The following PLEKHA7 variants were observed in gnomAD, a reference collection of about 807,000 sequenced individuals.
PLEKHA7 encodes pleckstrin homology domain-containing family A member 7.
PLEKHA7 carries 104 observed loss-of-function variants against 170.0 expected under a neutral mutation model. The ratio of observed to expected loss-of-function variants is 0.61; its 90% CI spans 0.52 to 0.72. The LOEUF is 0.72. Among genes scored for constraint, PLEKHA7 ranks in the 30% least tolerant of loss-of-function variants. PLEKHA7 has a pLI of 0.00. For missense variants in PLEKHA7, 1,615 were observed against 1,671.7 expected, an observed-to-expected ratio of 0.97 and a Z score of 0.59; for synonymous variants, 648 against 660.8, an observed-to-expected ratio of 0.98 and a Z score of 0.30.
At chr11:17,003,330 A>G (rs2137059373) in intron 3 of PLEKHA7, among the ~76,000 whole-genome samples, 1 of 152,264 alleles carries the variant, frequency 6.6e-6, no homozygotes, top group African/African-American at 2.4e-5. Context: ...CCAATTTCTG[A>G]GTTGAGTTCT....
intron 19 of PLEKHA7, 48 bp downstream of exon 19, chr11:16,794,440 G>C: frequency 2.6e-6 from 4 of 1,546,182 alleles, no homozygotes; most frequent in Non-Finnish European, 3.6e-6. Flanking sequence ...GGTAATCTGA[G>C]GACAGAGAGG....
intron 3 of PLEKHA7, among the ~76,000 whole-genome samples, chr11:16,889,684 T>C (rs899627301): frequency 6.6e-6 from 1 of 152,042 alleles, no homozygotes; most frequent in Non-Finnish European, 1.5e-5. Flanking sequence ...CTACAAGTTA[T>C]AGGTTGATTC....
chr11:16,881,664 T>A (rs1245719031), intron 3 of PLEKHA7: 4 of 152,208 alleles, frequency 2.6e-5, no homozygotes, highest in Non-Finnish European at 4.4e-5. Flanking sequence ...AACCAGGACA[T>A]AAAGAAACAC....
intron 26 of PLEKHA7, among the ~76,000 whole-genome samples, chr11:16,780,197 C>G (rs1848920932): frequency 6.6e-6 from 1 of 152,202 alleles, no homozygotes; most frequent in Non-Finnish European, 1.5e-5. Flanking sequence ...AACCGCTGGG[C>G]TCAAAAGCAA....
At chr11:16,793,688 G>A (rs543939588) in intron 19 of PLEKHA7, among the ~76,000 whole-genome samples, 3 of 152,346 alleles carry the variant, frequency 2.0e-5, no homozygotes, top group East Asian at 1.9e-4. Context: ...CCCTGGAGGC[G>A]TGAGCTCTCT....
rs115827748 is a variant in PLEKHA7, at chr11:16,973,487, G to T, written c.221+40502C>A. On this transcript the variant is annotated intron_variant, in intron 3 of 26. Transcript: ENST00000531066. ...GAGGTGAAAAGAGAAGTTTCTCTTG[G>T]TGCCCCTTTTAAAAGCCATGCACTG... Among the ~76,000 whole-genome samples the T allele has an allele frequency of 4.7e-3, 717 of 152,328 alleles. 6 individuals carry two copies. Among genetic ancestry groups the T allele is most frequent in the African/African-American group, 0.017 (694 of 41,570 alleles).
chr11:16,976,239 G>A (rs998143654), intron 3 of PLEKHA7, among the ~76,000 whole-genome samples: 7 of 152,244 alleles, frequency 4.6e-5, no homozygotes, highest in African/African-American at 1.7e-4. Context: ...AGTAAGCTAT[G>A]AACTTTGGGA....
chr11:16,826,559 G>A lies in PLEKHA7; in HGVS notation c.904C>T (p.Pro302Ser). 1 of 1,613,902 alleles carries A rather than the reference G, an allele frequency of 6.2e-7. No homozygotes were observed. Among genetic ancestry groups the A allele is most frequent in the South Asian group, 1.1e-5 (1 of 91,074 alleles). Residue 302 changes from proline to serine, a missense_variant, in exon 10 of 27, where the codon CCC (proline) becomes TCC (serine). Physicochemically the swap from Pro to Ser is moderately conservative, Grantham distance 74 (BLOSUM62 -1). Transcript: ENST00000531066. ...DMEKVERQAV[P>S]QANHTESCHE... is the part of the protein sequence containing the mutation. Reference sequence around the variant, plus strand: ...CAGGACTCTGTGTGGTTGGCCTGGGGGACAGCCTGCCGCTCCACCTTCTCC... The same window carrying A: ...CAGGACTCTGTGTGGTTGGCCTGGGAGACAGCCTGCCGCTCCACCTTCTCC...
At chr11:16,887,811 G>A (rs1220547691) in intron 3 of PLEKHA7, among the ~76,000 whole-genome samples, 2 of 151,942 alleles carry the variant, frequency 1.3e-5, no homozygotes, top group Non-Finnish European at 2.9e-5. Context: ...CTGCCCAGCC[G>A]CCACCCCGTC....
At chr11:17,007,508 T>C (rs938322501) in intron 3 of PLEKHA7, among the ~76,000 whole-genome samples, 33 of 151,396 alleles carry the variant, frequency 2.2e-4, no homozygotes, top group Non-Finnish European at 4.4e-4. Context: ...TATTTTTTTT[T>C]AAATGACAAG....
chr11:16,836,764 TTG>T (rs892842944), intron 9 of PLEKHA7, among the ~76,000 whole-genome samples: 2 of 152,128 alleles, frequency 1.3e-5, no homozygotes, highest in African/African-American at 4.8e-5. Flanking sequence ...CTGGAAAAAC[TTG>T]TGTTTTTTAT....
intron 10 of PLEKHA7, among the ~76,000 whole-genome samples, chr11:16,822,388 T>C (rs1850292568): frequency 6.7e-6 from 1 of 149,646 alleles, no homozygotes; most frequent in Non-Finnish European, 1.5e-5. Flanking sequence ...AGCAGCTCAG[T>C]GGAAAAAGGG....
intron 3 of PLEKHA7, among the ~76,000 whole-genome samples, chr11:16,906,260 AAGGAAGGAAGGAAGGAAGG>A (rs2136094033): frequency 8.9e-6 from 1 of 112,924 alleles, no homozygotes; most frequent in South Asian, 2.7e-4. Context: ...GGAAGGAAGG[AAGGAAGGAAGGAAGGAAGG>A]AAAGAAAGAA....
intron 3 of PLEKHA7, among the ~76,000 whole-genome samples, chr11:16,892,245 T>C (rs1171010226): frequency 6.6e-6 from 1 of 152,094 alleles, no homozygotes; most frequent in Non-Finnish European, 1.5e-5. Context: ...ATCTGAAACA[T>C]GTGGGTAGGA....
intron 3 of PLEKHA7, among the ~76,000 whole-genome samples, chr11:16,903,619 C>T (rs961046115): frequency 6.6e-6 from 1 of 152,150 alleles, no homozygotes; most frequent in African/African-American, 2.4e-5. Context: ...CTCCACTGTG[C>T]TTCTTGGCAT....
rs566536610 is a variant in PLEKHA7 at position 16,940,753 on chromosome 11, C to T, written c.222-69571G>A. Among the ~76,000 whole-genome samples the T allele has an allele frequency of 1.8e-4, 28 of 152,116 alleles. 1 individual carries two copies. The South Asian group carries it at 5.6e-3, about 30-fold the overall frequency. Reference sequence around the variant, plus strand: ...TTTTTTAAAGGACAAATGAATCCAACATAGTGCCTTTGTTTTTTCACTTTC... The same window carrying T: ...TTTTTTAAAGGACAAATGAATCCAATATAGTGCCTTTGTTTTTTCACTTTC... On this transcript the variant is annotated intron_variant, in intron 3 of 26. Coordinates refer to ENST00000531066, the MANE Select transcript of PLEKHA7 (RefSeq NM_001329630.2).
In PLEKHA7 at chr11:16,855,921, G is replaced by A; in HGVS notation, c.306-7C>T. ...CGACATATGTGGATTCGGCCTGTGA[G>A]GAGACAGGGGATTCCAGTGAGTAAA... On this transcript the variant is annotated splice_polypyrimidine_tract_variant and splice_region_variant and intron_variant, in intron 4 of 26. Transcript: ENST00000531066. 3.7e-6 allele frequency: 6 copies of A among 1,603,030 alleles called. No individual in the cohort carries two copies. The highest frequency in any genetic ancestry group is 5.1e-6 in the Non-Finnish European group (6 of 1,170,056).
chr11:16,992,755 C>CA (rs10610034), intron 3 of PLEKHA7, among the ~76,000 whole-genome samples: 4,293 of 118,950 alleles, frequency 0.036, 222 homozygotes, highest in African/African-American at 0.12. Flanking sequence ...GACTCTATCT[C>CA]AAAAAAAAAA....
At chr11:16,974,462 G>A (rs949852028) in intron 3 of PLEKHA7, among the ~76,000 whole-genome samples, 5 of 152,000 alleles carry the variant, frequency 3.3e-5, no homozygotes, top group Non-Finnish European at 7.4e-5. Flanking sequence ...TCATCCTTGC[G>A]CAGGGGCCAT....
Sources: allele counts gnomAD v4.1 joint callset (sites outside exome capture counted in the v4.1 genomes callset), GRCh38; gene constraint gnomAD v4.1.1; transcripts MANE v1.5; gene names NCBI Gene and HGNC (gene_info 2026-07-23, HGNC 2026-07-21).